The following CCT2 variants were observed in gnomAD, a reference collection of about 807,000 sequenced individuals.
CCT2 encodes chaperonin containing TCP1 subunit 2.
A neutral mutation model predicts 61.8 loss-of-function variants in CCT2; 18 were observed. That is an observed-to-expected ratio of 0.29 (90% CI 0.20 to 0.43). The LOEUF (loss-of-function observed/expected upper bound fraction) is 0.43, where lower values mean the gene tolerates loss of function less well. Among genes scored for constraint, CCT2 ranks in the 20% least tolerant of loss-of-function variants. CCT2 has a pLI of 1.00. For synonymous variants in CCT2, 248 were observed against 215.9 expected, an observed-to-expected ratio of 1.15 and a Z score of -1.30; for missense variants, 556 against 656.9, an observed-to-expected ratio of 0.85 and a Z score of 1.68.
intron 11 of CCT2, 46 bp from the exon 12 acceptor site, chr12:69,597,592 G>A (rs755954017): frequency 3.3e-5 from 53 of 1,595,580 alleles, no homozygotes; most frequent in Non-Finnish European, 4.2e-5. Flanking sequence ...AATAATAGAA[G>A]GCAAACTTTT....
Position 69,592,959 on chromosome 12 carries a change from T to A in CCT2, c.751-17T>A. On this transcript the variant is annotated splice_polypyrimidine_tract_variant and intron_variant, in intron 8 of 15. Transcript: ENST00000299300. Reference sequence around the variant, plus strand: ...AATAATGAAACTGATGCTCTCTTTATGCTTCGTTTGTCTTAGATATTTGGT... The same window carrying A: ...AATAATGAAACTGATGCTCTCTTTAAGCTTCGTTTGTCTTAGATATTTGGT... 6.2e-7 allele frequency: 1 copy of A among 1,610,140 alleles called. No homozygotes were observed. Among genetic ancestry groups the A allele is most frequent in the Non-Finnish European group, 8.5e-7 (1 of 1,178,644 alleles).
chr12:69,587,983 G>A lies in CCT2; in HGVS notation c.310G>A (p.Val104Ile), dbSNP rs749401932. ...TGGTGATGGCACTACCTCTGTTACCGTTTTAGCAGCAGAATTATTAAGGGT... is the reference window on the plus strand; with the variant it reads ...TGGTGATGGCACTACCTCTGTTACCATTTTAGCAGCAGAATTATTAAGGGT... ...EVGDGTTSVT[V>I]LAAELLREAE... Residue 104 changes from valine to isoleucine, a missense_variant, in exon 5 of 16, where the codon GTT becomes ATT. By Grantham distance (29) the Val-to-Ile change is conservative. Around this residue, in one of 3 missense-constraint regions of CCT2, gnomAD observed 308 missense variants for 350.6 expected, o/e 0.88. Transcript: ENST00000299300. 6.8e-6 allele frequency: 11 copies of A among 1,613,374 alleles called. No homozygotes were observed. The highest frequency in any genetic ancestry group is 1.6e-4 in the Middle Eastern group (1 of 6,080).
chr12:69,589,940 A>G (rs1484138734), intron 7 of CCT2, among the ~76,000 whole-genome samples: 5 of 152,212 alleles, frequency 3.3e-5, no homozygotes, highest in African/African-American at 4.8e-5. Flanking sequence ...TAAAGAGGAA[A>G]TGTTTTCTTT....
chr12:69,596,912 C>T (rs980666422), intron 10 of CCT2, among the ~76,000 whole-genome samples: 4 of 152,104 alleles, frequency 2.6e-5, no homozygotes, highest in Non-Finnish European at 4.4e-5. Context: ...GAAGGTAAAC[C>T]TCTTGGCCTC....
chr12:69,588,358 A>G, intron 6 of CCT2, 96 bp downstream of exon 6: 2 of 851,040 alleles, frequency 2.4e-6, no homozygotes, highest in Non-Finnish European at 3.8e-6. Context: ...AGCATACACA[A>G]AGATCATCTT....
chr12:69,593,347 A>C (rs932432382), intron 9 of CCT2, among the ~76,000 whole-genome samples, 163 bp from the exon 10 acceptor site: 2 of 152,252 alleles, frequency 1.3e-5, no homozygotes, highest in East Asian at 3.8e-4. Context: ...TGGATGCATT[A>C]GTACTATAGT....
intron 7 of CCT2, 164 bp downstream of exon 7, chr12:69,589,851 C>T (rs1881781862): frequency 1.6e-6 from 1 of 611,114 alleles, no homozygotes; most frequent in Admixed American, 2.9e-5. Context: ...ACAGTGTACT[C>T]CTCTTCCCGC....
At chr12:69,598,448 C>T (rs1314768493) in intron 14 of CCT2, 27 bp downstream of exon 14, 4 of 1,437,222 alleles carry the variant, frequency 2.8e-6, no homozygotes, top group Admixed American at 2.3e-5. Context: ...AACTTTGTGG[C>T]CGTTGTTAAA....
intron 7 of CCT2, among the ~76,000 whole-genome samples, chr12:69,590,414 A>C (rs1268247518): frequency 6.6e-6 from 1 of 152,206 alleles, no homozygotes; most frequent in Non-Finnish European, 1.5e-5. Flanking sequence ...TCTAGTTCTT[A>C]AAGAGTGATA....
At chr12:69,594,179 T>A (rs1881920701) in intron 10 of CCT2, among the ~76,000 whole-genome samples, 1 of 152,104 alleles carries the variant, frequency 6.6e-6, no homozygotes, top group Admixed American at 6.5e-5. Flanking sequence ...CTCACAAACC[T>A]GTAAGACCGT....
In CCT2 at chr12:69,601,284, TA is replaced by T; in HGVS notation, c.1578-10del. ...CATTTTTCACTATTGACTTTTTTCTTACTCTCATAGGAAACGTGTCCCTGAT... is the reference window on the plus strand; with the variant it reads ...CATTTTTCACTATTGACTTTTTTCTTCTCTCATAGGAAACGTGTCCCTGAT... On this transcript the variant is annotated splice_polypyrimidine_tract_variant and intron_variant, in intron 15 of 15. Coordinates refer to ENST00000299300, the MANE Select transcript of CCT2 (RefSeq NM_006431.3). 1 of 1,588,686 alleles carries T rather than the reference TA, an allele frequency of 6.3e-7. No individual in the cohort carries two copies. Among genetic ancestry groups the T allele is most frequent in the Non-Finnish European group, 8.5e-7 (1 of 1,172,120 alleles).
chr12:69,587,707 G>T (rs950679673), intron 4 of CCT2, 91 bp downstream of exon 4: 1 of 839,018 alleles, frequency 1.2e-6, no homozygotes, highest in East Asian at 2.6e-5. Context: ...TTGACCAATC[G>T]TACTGTCAAT....
chr12:69,588,444 T>C (rs1593095310), intron 6 of CCT2, 182 bp downstream of exon 6: 1 of 563,912 alleles, frequency 1.8e-6, no homozygotes, highest in East Asian at 2.9e-5. Flanking sequence ...TTTGGGTTTT[T>C]AGTCTTTTTG....
chr12:69,598,122 A>C, intron 13 of CCT2, 51 bp downstream of exon 13: 1 of 1,363,860 alleles, frequency 7.3e-7, no homozygotes, highest in Non-Finnish European at 1.0e-6. Flanking sequence ...GGTTATTGAT[A>C]GTTTTAAAAT....
intron 15 of CCT2, among the ~76,000 whole-genome samples, chr12:69,600,506 A>G (rs557525306): frequency 2.0e-5 from 3 of 152,356 alleles, no homozygotes; most frequent in East Asian, 1.9e-4. Context: ...GTAATTTGCA[A>G]TAAAGAAACT....
At chr12:69,593,181 GA>G (rs1829935794) in intron 9 of CCT2, 78 bp downstream of exon 9, 2 of 1,291,796 alleles carry the variant, frequency 1.5e-6, no homozygotes, top group South Asian at 2.8e-5. Context: ...TATTGAATTA[GA>G]TTTTTTACCT....
At chr12:69,588,680 CTT>C (rs1269105431) in intron 6 of CCT2, among the ~76,000 whole-genome samples, 12 of 152,208 alleles carry the variant, frequency 7.9e-5, no homozygotes, top group Middle Eastern at 3.4e-3. Flanking sequence ...TATAAAATAA[CTT>C]TGTGACGTTG....
chr12:69,600,741 GCTT>G (rs1311480008), intron 15 of CCT2, among the ~76,000 whole-genome samples: 1 of 152,098 alleles, frequency 6.6e-6, no homozygotes, highest in East Asian at 1.9e-4. Context: ...CTGTTCTTAA[GCTT>G]CTTCAGCTTC....
chr12:69,589,305 G>T, intron 6 of CCT2, 180 bp from the exon 7 acceptor site: 1 of 591,256 alleles, frequency 1.7e-6, no homozygotes, highest in Non-Finnish European at 3.0e-6. Context: ...CATTTTGCCA[G>T]TTTGGTGGGG....
Sources: allele counts gnomAD v4.1 joint callset (sites outside exome capture counted in the v4.1 genomes callset), GRCh38; gene constraint gnomAD v4.1.1; regional missense constraint gnomAD v4.1.1; transcripts MANE v1.5; gene names NCBI Gene and HGNC (gene_info 2026-07-23, HGNC 2026-07-21).